The following PTPRG variants were observed in gnomAD, a reference collection of about 807,000 sequenced individuals.
PTPRG encodes the protein protein tyrosine phosphatase receptor type G.
A neutral mutation model predicts 165.3 loss-of-function variants in PTPRG; 102 were observed. That is an observed-to-expected ratio of 0.62 (90% CI 0.53 to 0.73). PTPRG has a LOEUF of 0.73. PTPRG is among the 30% of genes least tolerant of loss of function. The pLI is 0.00. For missense variants in PTPRG, 1,866 were observed against 1,861.4 expected (o/e 1.00, Z -0.05); for synonymous variants, 675 against 669.5 (o/e 1.01, Z -0.13).
chr3:61,924,853 T>G (rs1373283498), intron 2 of PTPRG, among the ~76,000 whole-genome samples: 2 of 152,204 alleles, frequency 1.3e-5, no homozygotes, highest in African/African-American at 4.8e-5. Flanking sequence ...ACTGAAGCCT[T>G]GCTCCCCAGT....
intron 1 of PTPRG, among the ~76,000 whole-genome samples, chr3:61,702,048 G>C (rs1215334812): frequency 1.3e-5 from 2 of 152,024 alleles, no homozygotes; most frequent in African/African-American, 4.8e-5. Flanking sequence ...GCGCGATCTC[G>C]GCTCACTGCA....
At chr3:62,025,706 G>T (rs1036480575) in intron 4 of PTPRG, among the ~76,000 whole-genome samples, 1 of 151,922 alleles carries the variant, frequency 6.6e-6, no homozygotes, top group Non-Finnish European at 1.5e-5. Context: ...ATGAACTAAT[G>T]TAAAAATTGT....
intron 1 of PTPRG, among the ~76,000 whole-genome samples, chr3:61,659,046 TGCC>T: frequency 6.6e-6 from 1 of 152,152 alleles, no homozygotes; most frequent in East Asian, 1.9e-4. Context: ...CTCCTGCCCC[TGCC>T]CCTGCCCCTG....
At chr3:61,914,011 C>A (rs1057088018) in intron 2 of PTPRG, among the ~76,000 whole-genome samples, 44 of 152,184 alleles carry the variant, frequency 2.9e-4, no homozygotes, top group African/African-American at 4.8e-5. Context: ...AAACCTCCCC[C>A]CTTTTCCAGC....
intron 26 of PTPRG, among the ~76,000 whole-genome samples, chr3:62,280,035 G>C (rs1350518401): frequency 1.3e-5 from 2 of 151,876 alleles, no homozygotes; most frequent in African/African-American, 4.8e-5. Context: ...TAGTTTTTAG[G>C]GATAGAATTC....
intron 1 of PTPRG, among the ~76,000 whole-genome samples, chr3:61,656,324 A>C (rs58872927): frequency 0.15 from 22,592 of 152,218 alleles, 1,734 homozygotes; most frequent in Admixed American, 0.18. Flanking sequence ...GTGAGGTGAC[A>C]CAGAAGTGGT....
chr3:61,801,242 C>T (rs969811915), intron 2 of PTPRG, among the ~76,000 whole-genome samples: 9 of 152,082 alleles, frequency 5.9e-5, no homozygotes, highest in Non-Finnish European at 1.0e-4. Context: ...CACACAGACG[C>T]CCTCAGGTGC....
chr3:62,027,943 TC>T (rs1405124419), intron 4 of PTPRG, among the ~76,000 whole-genome samples: 2 of 152,226 alleles, frequency 1.3e-5, no homozygotes, highest in African/African-American at 4.8e-5. Flanking sequence ...GCCCAACTGC[TC>T]CGGGCAAGTG....
chr3:61,783,658 C>T (rs2034609348), intron 2 of PTPRG, among the ~76,000 whole-genome samples: 1 of 151,992 alleles, frequency 6.6e-6, no homozygotes, highest in South Asian at 2.1e-4. Flanking sequence ...GAGTGGGGAG[C>T]TGGCAGCAGC....
At chr3:61,871,508 T>G (rs1179852437) in intron 2 of PTPRG, among the ~76,000 whole-genome samples, 1 of 152,094 alleles carries the variant, frequency 6.6e-6, no homozygotes, top group African/African-American at 2.4e-5. Context: ...CCGGCCCCTT[T>G]TACTGTTTAA....
Position 62,120,747 on chromosome 3 carries a change from C to CAA in PTPRG, c.616-11843_616-11842dup, listed in dbSNP as rs71123254. 6.7e-3 allele frequency among the ~76,000 whole-genome samples: 779 copies of CAA among 115,804 alleles called. 7 individuals carry two copies. The highest frequency in any genetic ancestry group is 0.022 in the African/African-American group (691 of 31,778). The allele number at this position is 115,804 out of a possible 152,430, so 76.0% of individuals were successfully genotyped here. A position where few individuals can be genotyped will look rare whatever the true frequency, so the allele number is the denominator to read the frequency against. On this transcript the variant is annotated intron_variant, in intron 5 of 29. Coordinates refer to ENST00000474889, the MANE Select transcript of PTPRG (RefSeq NM_002841.4). Reference sequence around the variant, plus strand: ...CCTGGGTGACAGCAAGACTCCATCTCAAAAAAAAAAAAAGAAAAAGATTGG... The same window carrying CAA: ...CCTGGGTGACAGCAAGACTCCATCTCAAAAAAAAAAAAAAAGAAAAAGATTGG...
At chr3:61,607,616 A>G (rs1478517796) in intron 1 of PTPRG, among the ~76,000 whole-genome samples, 1 of 152,178 alleles carries the variant, frequency 6.6e-6, no homozygotes, top group Non-Finnish European at 1.5e-5. Context: ...CAGAGTGGCT[A>G]CAAACTTAAT....
At chr3:61,803,277 ATC>A (rs1340931844) in intron 2 of PTPRG, among the ~76,000 whole-genome samples, 2 of 152,212 alleles carry the variant, frequency 1.3e-5, no homozygotes, top group Non-Finnish European at 2.9e-5. Flanking sequence ...TCAACCCATT[ATC>A]TCTGCAATAG....
intron 5 of PTPRG, among the ~76,000 whole-genome samples, chr3:62,112,311 C>T (rs1702698520): frequency 6.6e-6 from 1 of 151,992 alleles, no homozygotes; most frequent in African/African-American, 2.4e-5. Context: ...ACTATGTTGG[C>T]CAGGCTGGTC....
At chr3:62,168,546 C>G (rs577658558) in intron 8 of PTPRG, among the ~76,000 whole-genome samples, 36 of 152,214 alleles carry the variant, frequency 2.4e-4, no homozygotes, top group African/African-American at 8.7e-4. Flanking sequence ...CCCCACTCCC[C>G]GCTTTGAAGG....
chr3:61,943,665 A>G (rs934866862), intron 2 of PTPRG, among the ~76,000 whole-genome samples: 2 of 152,244 alleles, frequency 1.3e-5, no homozygotes, highest in African/African-American at 4.8e-5. Flanking sequence ...TTCTTAATAC[A>G]GGGGAGCTTT....
At position 62,219,023 on chromosome 3, in the gene PTPRG, G is replaced by C. The variant is rs368129560; in HGVS notation, c.2288+40G>C. The C allele has an allele frequency of 3.7e-5, 60 of 1,607,668 alleles. No individual in the cohort carries two copies. Among genetic ancestry groups the C allele is most frequent in the Middle Eastern group, 1.7e-4 (1 of 6,042 alleles). On this transcript the variant is annotated intron_variant, in intron 13 of 29. Transcript: ENST00000474889. This position sits in a 1 kb window ranked among gnomAD's most constrained non-coding sequence, Gnocchi z 4.5. ...ACCTACAGCGTAGATTTGGGGGCCAGATGCTGGCCAGGTTTTGCTCACGGG... is the reference window on the plus strand; with the variant it reads ...ACCTACAGCGTAGATTTGGGGGCCACATGCTGGCCAGGTTTTGCTCACGGG...
At chr3:62,131,001 A>G (rs1417381087) in intron 5 of PTPRG, among the ~76,000 whole-genome samples, 3 of 152,032 alleles carry the variant, frequency 2.0e-5, no homozygotes, top group South Asian at 4.2e-4. Context: ...TTATTAGTCT[A>G]TAAACATAAT....
At chr3:61,833,067 T>TTGTGTGTGTGTGTGTG (rs113069211) in intron 2 of PTPRG, among the ~76,000 whole-genome samples, 6,606 of 146,724 alleles carry the variant, frequency 0.045, 402 homozygotes, top group African/African-American at 0.13. Flanking sequence ...TAGTATTCCA[T>TTGTGTGTGTGTGTGTG]TGTGTGTGTG....
Sources: gnomAD v4.1 joint callset for allele counts (sites outside exome capture counted in the v4.1 genomes callset) on GRCh38, gnomAD v4.1.1 for gene constraint, Gnocchi (gnomAD v3.1) non-coding constraint, MANE v1.5 for transcripts, NCBI Gene and HGNC (gene_info 2026-07-23, HGNC 2026-07-21) for gene names.